CBLN2: variants seen among roughly 807,000 people sequenced by gnomAD.
The protein encoded by CBLN2 is cerebellin 2 precursor, also known as cerebellin-2.
CBLN2 carries 7 observed loss-of-function variants against 15.0 expected under a neutral mutation model. The ratio of observed to expected loss-of-function variants is 0.47; its 90% CI spans 0.27 to 0.88. The LOEUF (loss-of-function observed/expected upper bound fraction) is 0.88, where lower values mean the gene tolerates loss of function less well. Ranked by LOEUF, CBLN2 falls within the 40% of genes least tolerant of loss-of-function variation. CBLN2 has a pLI of 0.14. For missense variants in CBLN2, 242 were observed against 304.5 expected, an observed-to-expected ratio of 0.79 and a Z score of 1.53; for synonymous variants, 149 against 135.2, an observed-to-expected ratio of 1.10 and a Z score of -0.71.
chr18:72,587,339 G>T (rs1432017584), intron 1 of CBLN2, among the ~76,000 whole-genome samples: 1 of 151,814 alleles, frequency 6.6e-6, no homozygotes, highest in African/African-American at 2.4e-5. Context: ...CCTTTACTTT[G>T]TTTATCTAAA....
chr18:72,619,725 C>T (rs1405598021), intron 1 of CBLN2, among the ~76,000 whole-genome samples: 5 of 152,166 alleles, frequency 3.3e-5, no homozygotes, highest in Non-Finnish European at 5.9e-5. Context: ...TTATGATCAT[C>T]TTAACTCCTA....
At chr18:72,626,469 G>T (rs1214577325) in intron 1 of CBLN2, among the ~76,000 whole-genome samples, 1 of 152,050 alleles carries the variant, frequency 6.6e-6, no homozygotes, top group East Asian at 1.9e-4. Context: ...GGAAGTTGAG[G>T]TGGGTAGATC....
intron 1 of CBLN2, among the ~76,000 whole-genome samples, chr18:72,587,753 G>T (rs2069453369): frequency 1.3e-5 from 2 of 152,142 alleles, no homozygotes; most frequent in Admixed American, 1.3e-4. Flanking sequence ...ATGACCATGT[G>T]CAATATAGCT....
At chr18:72,563,042 A>G (rs922354734) in intron 1 of CBLN2, among the ~76,000 whole-genome samples, 1 of 152,256 alleles carries the variant, frequency 6.6e-6, no homozygotes, top group African/African-American at 2.4e-5. Context: ...CATTAAAATC[A>G]GCACATATAG....
In CBLN2 at chr18:72,541,405, T is replaced by C. The variant is rs182322945; in HGVS notation, c.357+399A>G. Among the ~76,000 whole-genome samples, 543 of 151,442 alleles carry C rather than the reference T, an allele frequency of 3.6e-3. 18 individuals are homozygous for C. Among genetic ancestry groups the C allele is most frequent in the Admixed American group, 0.034 (512 of 15,194 alleles). On this transcript the variant is annotated intron_variant, in intron 3 of 4. Coordinates refer to ENST00000269503, the MANE Select transcript of CBLN2 (RefSeq NM_182511.4). ...AGACTCCTTTCGTGAGCGTGGAGAG[T>C]TTTAAATGCACTCAATCCTTCAGGT...
Position 72,537,842 on chromosome 18 carries a change from T to C in CBLN2, c.*334A>G, listed in dbSNP as rs996616637. The stretch of plus-strand genomic sequence containing the variant: ...AGCTCTCCTTCCGTTGGGACGACAA[T>C]ACAACATACAAACAAAAGAGGTCCA... On this transcript the variant is annotated 3_prime_UTR_variant, in exon 5 of 5. Coordinates refer to ENST00000269503, the MANE Select transcript of CBLN2 (RefSeq NM_182511.4). 3 of 352,056 alleles carry C rather than the reference T, an allele frequency of 8.5e-6. No homozygotes were observed. The highest frequency in any genetic ancestry group is 4.4e-5 in the Admixed American group (1 of 22,678). The allele number at this position is 352,056 out of a possible 1,614,324, so 21.8% of individuals were successfully genotyped here.
At chr18:72,564,336 T>G (rs967425129) in intron 1 of CBLN2, among the ~76,000 whole-genome samples, 1 of 151,836 alleles carries the variant, frequency 6.6e-6, no homozygotes, top group Admixed American at 6.6e-5. Context: ...CAATGAAAAA[T>G]CCAACAAAGG....
chr18:72,605,424 A>G (rs574283864), intron 1 of CBLN2, among the ~76,000 whole-genome samples: 1 of 152,348 alleles, frequency 6.6e-6, no homozygotes, highest in East Asian at 1.9e-4. Flanking sequence ...GGCCTTTGCT[A>G]AAGTTTTTTC....
intron 1 of CBLN2, among the ~76,000 whole-genome samples, chr18:72,552,223 A>G (rs568245818): frequency 6.6e-6 from 1 of 151,692 alleles, no homozygotes; most frequent in South Asian, 2.1e-4. Flanking sequence ...AGCTGGGGTT[A>G]CAGGCATGCA....
At chr18:72,602,423 T>C (rs545291539) in intron 1 of CBLN2, among the ~76,000 whole-genome samples, 1 of 152,268 alleles carries the variant, frequency 6.6e-6, no homozygotes, top group Admixed American at 6.5e-5. Context: ...AGTTTCTCTT[T>C]CTTCTGTCAA....
chr18:72,606,825 C>A (rs1403323929), intron 1 of CBLN2, among the ~76,000 whole-genome samples: 1 of 152,144 alleles, frequency 6.6e-6, no homozygotes, highest in Non-Finnish European at 1.5e-5. Context: ...TTGGCAAAAG[C>A]CATCACACAG....
intron 1 of CBLN2, among the ~76,000 whole-genome samples, chr18:72,553,684 T>C (rs1456702793): frequency 6.6e-6 from 1 of 152,128 alleles, no homozygotes; most frequent in Non-Finnish European, 1.5e-5. Flanking sequence ...ATTTGGTTGA[T>C]ACGCAATCTA....
rs1338267725 is a variant in CBLN2, at chr18:72,619,759, T to C, written c.15+18566A>G. 2.6e-5 allele frequency among the ~76,000 whole-genome samples: 4 copies of C among 152,236 alleles called. No homozygotes were observed. The East Asian group carries it at 7.7e-4, about 29-fold the overall frequency. Reference sequence around the variant, plus strand: ...TAGTTTTACTTTTAAAATATGTTTGTTGTCCCTAGGTTAAATAGATAACCA... The same window carrying C: ...TAGTTTTACTTTTAAAATATGTTTGCTGTCCCTAGGTTAAATAGATAACCA... On this transcript the variant is annotated intron_variant, in intron 1 of 2. Transcript: ENST00000581073.
At chr18:72,579,297 T>C (rs773687034) in intron 1 of CBLN2, among the ~76,000 whole-genome samples, 47 of 152,214 alleles carry the variant, frequency 3.1e-4, no homozygotes, top group Non-Finnish European at 3.4e-4. Flanking sequence ...CATAAATATA[T>C]ACATATATAA....
intron 1 of CBLN2, among the ~76,000 whole-genome samples, chr18:72,605,393 GTT>G (rs1437171329): frequency 6.6e-6 from 1 of 152,150 alleles, no homozygotes; most frequent in Non-Finnish European, 1.5e-5. Context: ...TGCCAGGCAA[GTT>G]TAGAAACTAA....
chr18:72,574,363 C>T (rs193038696), intron 1 of CBLN2, among the ~76,000 whole-genome samples: 207 of 152,234 alleles, frequency 1.4e-3, no homozygotes, highest in Middle Eastern at 3.4e-3. Flanking sequence ...TCAATTTTCT[C>T]CCATGTTTTC....
chr18:72,611,141 T>C (rs574470378), intron 1 of CBLN2, among the ~76,000 whole-genome samples: 17 of 152,306 alleles, frequency 1.1e-4, no homozygotes, highest in African/African-American at 3.4e-4. Context: ...CAATCTACCA[T>C]TGATGGATAT....
chr18:72,630,780 T>C (rs2069770906), intron 1 of CBLN2, among the ~76,000 whole-genome samples: 1 of 152,160 alleles, frequency 6.6e-6, no homozygotes, highest in Non-Finnish European at 1.5e-5. Context: ...GCTGGTTTCC[T>C]TCCTGTGGAA....
chr18:72,608,033 A>G (rs1357716323), intron 1 of CBLN2, among the ~76,000 whole-genome samples: 1 of 152,222 alleles, frequency 6.6e-6, no homozygotes, highest in Non-Finnish European at 1.5e-5. Flanking sequence ...TTTTCCACCA[A>G]AATGAGCCAT....
Sources: gnomAD v4.1 joint callset for allele counts (sites outside exome capture counted in the v4.1 genomes callset) on GRCh38, gnomAD v4.1.1 for gene constraint, MANE v1.5 for transcripts, NCBI Gene and HGNC (gene_info 2026-07-23, HGNC 2026-07-21) for gene names.